Variants in DNAH7 observed in about 807,000 individuals in gnomAD.
The protein encoded by DNAH7 is dynein axonemal heavy chain 7, also known as axonemal beta dynein heavy chain 7.
A neutral mutation model predicts 444.6 loss-of-function variants in DNAH7; 397 were observed. The ratio of observed to expected loss-of-function variants is 0.89; its 90% CI spans 0.82 to 0.97. DNAH7 has a LOEUF of 0.97. Ranked by LOEUF, DNAH7 falls within the 50% of genes least tolerant of loss-of-function variation. The pLI, the probability that DNAH7 is intolerant of heterozygous loss-of-function variation, is 0.00. For missense variants in DNAH7, 4,902 were observed against 4,800.8 expected (o/e 1.02, Z -0.62); for synonymous variants, 1,636 against 1,624.4 (o/e 1.01, Z -0.17).
rs368159762 is a variant in DNAH7 at position 195,957,375 on chromosome 2, C to G, written c.2964G>C (p.Leu988=). 4 of 1,606,088 alleles carry G rather than the reference C, an allele frequency of 2.5e-6. No homozygotes were observed. Among genetic ancestry groups the G allele is most frequent in the Non-Finnish European group, 3.4e-6 (4 of 1,174,678 alleles). ...GAGAGCTGAAAATGGGCTCCAGATA[C>G]AGCCACGTGGCTTGGACTTTGAGCC... ...DEWLKVQATW[L]YLEPIFSSPD... is the part of the protein sequence containing the mutation. The change falls in exon 19 of 65, where the codon CTG becomes CTC. Residue 988 remains leucine, a synonymous_variant. Transcript: ENST00000312428.
At chr2:195,879,678 C>T (rs1330967227) in intron 36 of DNAH7, among the ~76,000 whole-genome samples, 1 of 151,978 alleles carries the variant, frequency 6.6e-6, no homozygotes, top group African/African-American at 2.4e-5. Flanking sequence ...CTTATAAAAA[C>T]TACTTGTTTG....
At chr2:196,061,613 T>G (rs1186621754) in intron 1 of DNAH7, among the ~76,000 whole-genome samples, 1 of 152,174 alleles carries the variant, frequency 6.6e-6, no homozygotes, top group Non-Finnish European at 1.5e-5. Context: ...GAGCTTTACC[T>G]AGAACATATA....
intron 5 of DNAH7, among the ~76,000 whole-genome samples, chr2:196,031,634 T>C (rs1696065347): frequency 6.6e-6 from 1 of 152,172 alleles, no homozygotes; most frequent in African/African-American, 2.4e-5. Flanking sequence ...ATACCTTAAA[T>C]CATCTCTCTC....
chr2:196,013,402 G>A (rs1694832386), intron 9 of DNAH7, among the ~76,000 whole-genome samples: 1 of 152,096 alleles, frequency 6.6e-6, no homozygotes. Context: ...GATTACTGGA[G>A]TCAACAACTT....
In DNAH7 at chr2:196,012,915, GATAAAA is replaced by G. The variant is rs751442948; in HGVS notation, c.870-15_870-10del. ...CAACTAAACGTAATTTTCTGCAAAAGATAAAAATAAACAGTAATTTAACAATGACTT... is the reference window on the plus strand; with the variant it reads ...CAACTAAACGTAATTTTCTGCAAAAGATAAACAGTAATTTAACAATGACTT... On this transcript the variant is annotated splice_polypyrimidine_tract_variant and intron_variant, in intron 9 of 64. Coordinates refer to ENST00000312428, the MANE Select transcript of DNAH7 (RefSeq NM_018897.3). The G allele has an allele frequency of 1.4e-6, 2 of 1,465,988 alleles. No individual in the cohort carries two copies. The highest frequency in any genetic ancestry group is 1.8e-6 in the Non-Finnish European group (2 of 1,103,692). The allele number at this position is 1,465,988 out of a possible 1,614,324, so 90.8% of individuals were successfully genotyped here. A position where few individuals can be genotyped will look rare whatever the true frequency, so the allele number is the denominator to read the frequency against.
rs1321281434 is a variant in DNAH7 at position 195,926,571 on chromosome 2, T to C, written c.3472-5A>G. ...AAAAGTTGCATCTCCAGTTACCTAA[T>C]CAAAAAAGAATATGCTAAATATTAA... On this transcript the variant is annotated splice_polypyrimidine_tract_variant and splice_region_variant and intron_variant, in intron 21 of 64. Transcript: ENST00000312428. 6.3e-7 allele frequency: 1 copy of C among 1,583,974 alleles called. No individual in the cohort carries two copies. Among genetic ancestry groups the C allele is most frequent in the Non-Finnish European group, 8.6e-7 (1 of 1,168,974 alleles).
Position 195,906,679 on chromosome 2 carries a change from C to G in DNAH7, c.4315G>C (p.Glu1439Gln). The G allele has an allele frequency of 6.2e-7, 1 of 1,612,756 alleles. No homozygotes were observed. Among genetic ancestry groups the G allele is most frequent in the Non-Finnish European group, 8.5e-7 (1 of 1,179,274 alleles). ...TMNPGYAGRSELPDNLKALFR... is the reference protein window; with the variant it reads ...TMNPGYAGRSQLPDNLKALFR... ...CATACCTTCAGGTTATCTGGCAGTT[C>G]TGATCGCCCAGCATACCCAGGGTTC... Residue 1439 changes from glutamate (E) to glutamine (Q), a missense_variant, in exon 27 of 65, where the codon GAA (glutamate) becomes CAA (glutamine). By Grantham distance (29) the Glu-to-Gln change is conservative. Transcript: ENST00000312428.
intron 2 of DNAH7, among the ~76,000 whole-genome samples, chr2:196,052,089 C>G (rs890735191): frequency 3.9e-5 from 6 of 152,232 alleles, no homozygotes; most frequent in African/African-American, 1.4e-4. Context: ...ATACCACAGA[C>G]AGAGACTTCC....
chr2:195,741,328 C>T (rs944172763), intron 63 of DNAH7, among the ~76,000 whole-genome samples: 11 of 152,152 alleles, frequency 7.2e-5, no homozygotes, highest in Non-Finnish European at 1.6e-4. Context: ...TAAATTGCTC[C>T]TCCCCTTTTA....
In DNAH7 at chr2:196,042,727, ACTT is replaced by A. The variant is rs1215021954; in HGVS notation, c.398+4622_398+4624del. Among the ~76,000 whole-genome samples, 27 of 152,180 alleles carry A rather than the reference ACTT, an allele frequency of 1.8e-4. 1 individual carries two copies. The highest frequency in any genetic ancestry group is 4.1e-4 in the South Asian group (2 of 4,832). Reference sequence around the variant, plus strand: ...TGTGGGTAAGGTGGAGAAACTAGAAACTTCTTCATTTGTTGTTTGTAGGAATAG... The same window carrying A: ...TGTGGGTAAGGTGGAGAAACTAGAAACTTCATTTGTTGTTTGTAGGAATAG... On this transcript the variant is annotated intron_variant, in intron 5 of 64. Transcript: ENST00000312428.
At chr2:196,042,942 AAAT>A (rs1316954032) in intron 5 of DNAH7, among the ~76,000 whole-genome samples, 1 of 152,124 alleles carries the variant, frequency 6.6e-6, no homozygotes, top group Admixed American at 6.5e-5. Flanking sequence ...CAAACACAAT[AAAT>A]GCCATGAATA....
chr2:196,053,988 C>T (rs1397540352), intron 2 of DNAH7, among the ~76,000 whole-genome samples: 1 of 152,112 alleles, frequency 6.6e-6, no homozygotes, highest in East Asian at 1.9e-4. Context: ...GCTACCTGAC[C>T]CTCGTCAGAC....
chr2:195,845,756 A>T (rs570098453), intron 46 of DNAH7, among the ~76,000 whole-genome samples: 3 of 152,190 alleles, frequency 2.0e-5, no homozygotes. Context: ...TAAGCAATGG[A>T]GAAAGGACTC....
At position 195,960,296 on chromosome 2, in the gene DNAH7, C is replaced by A; in HGVS notation, c.2855G>T (p.Gly952Val). The part of the protein sequence containing the change: ...DHIIKTQTMR[G>V]SPFIKPYEKQ... ...TTCATAAGGCTTAATGAAAGGAGATCCTCGCATAGTTTGTGTTTTAATAAT... is the reference window on the plus strand; with the variant it reads ...TTCATAAGGCTTAATGAAAGGAGATACTCGCATAGTTTGTGTTTTAATAAT... Residue 952 changes from glycine to valine, a missense_variant, in exon 18 of 65, where the codon GGA becomes GTA. Coordinates refer to ENST00000312428, the MANE Select transcript of DNAH7 (RefSeq NM_018897.3). 1 of 1,613,046 alleles carries A rather than the reference C, an allele frequency of 6.2e-7. No homozygotes were observed.
chr2:195,832,352 T>C (rs1430051905), intron 48 of DNAH7, among the ~76,000 whole-genome samples: 7 of 152,244 alleles, frequency 4.6e-5, no homozygotes, highest in Non-Finnish European at 8.8e-5. Context: ...TGTCTTTTAC[T>C]ATGTCAAGGA....
intron 55 of DNAH7, among the ~76,000 whole-genome samples, chr2:195,798,473 G>A (rs567538767): frequency 2.0e-5 from 3 of 150,770 alleles, no homozygotes; most frequent in East Asian, 1.9e-4. Flanking sequence ...ACCATATGAT[G>A]TAAGAACATT....
chr2:195,768,742 C>T (rs1200519433), intron 61 of DNAH7, among the ~76,000 whole-genome samples: 2 of 152,102 alleles, frequency 1.3e-5, no homozygotes, highest in African/African-American at 4.8e-5. Context: ...TTGAGTCCTT[C>T]TATAATTGCA....
At chr2:195,844,478 T>C (rs1368858745) in intron 47 of DNAH7, among the ~76,000 whole-genome samples, 1 of 152,114 alleles carries the variant, frequency 6.6e-6, no homozygotes. Flanking sequence ...AGACAAGCCT[T>C]TAATATTCTC....
intron 47 of DNAH7, among the ~76,000 whole-genome samples, chr2:195,835,704 C>T (rs994934085): frequency 1.3e-5 from 2 of 151,722 alleles, no homozygotes; most frequent in East Asian, 3.9e-4. Context: ...ATTAGCTGGG[C>T]GTGGTGGTGC....
Sources: allele counts gnomAD v4.1 joint callset (sites outside exome capture counted in the v4.1 genomes callset), GRCh38; gene constraint gnomAD v4.1.1; transcripts MANE v1.5; gene names NCBI Gene and HGNC (gene_info 2026-07-23, HGNC 2026-07-21).